Variants in CACNA2D3 observed in about 807,000 individuals in gnomAD.
CACNA2D3 encodes calcium voltage-gated channel auxiliary subunit alpha2delta 3.
CACNA2D3 carries 60 observed loss-of-function variants against 160.6 expected under a neutral mutation model. The ratio of observed to expected loss-of-function variants is 0.37; its 90% CI spans 0.30 to 0.46. CACNA2D3 has a LOEUF of 0.46. CACNA2D3 is among the 20% of genes least tolerant of loss of function. CACNA2D3 has a pLI of 1.00. For synonymous variants in CACNA2D3, 558 were observed against 492.9 expected (o/e 1.13, Z -1.75); for missense variants, 1,205 against 1,365.0 (o/e 0.88, Z 1.85).
At chr3:54,362,914 C>T (rs557294195) in intron 3 of CACNA2D3, among the ~76,000 whole-genome samples, 1 of 152,230 alleles carries the variant, frequency 6.6e-6, no homozygotes, top group Non-Finnish European at 1.5e-5. Context: ...TTACAATGTG[C>T]AGCCAGACAC....
intron 2 of CACNA2D3, among the ~76,000 whole-genome samples, chr3:54,153,358 C>T (rs1700185876): frequency 6.6e-6 from 1 of 152,194 alleles, no homozygotes; most frequent in African/African-American, 2.4e-5. Context: ...GAGAAATGCA[C>T]TCATATTTAT....
intron 35 of CACNA2D3, among the ~76,000 whole-genome samples, chr3:55,045,059 T>C (rs185531482): frequency 3.9e-5 from 6 of 152,192 alleles, no homozygotes; most frequent in African/African-American, 1.4e-4. Flanking sequence ...TAGTGGTTTT[T>C]GTTTTTGAGA....
At chr3:54,717,545 TGTGTG>T (rs1248464567) in intron 11 of CACNA2D3, among the ~76,000 whole-genome samples, 4 of 46,374 alleles carry the variant, frequency 8.6e-5, no homozygotes, top group African/African-American at 2.1e-4. Flanking sequence ...GTGGTGTGCA[TGTGTG>T]GTGTGTGTGT....
At position 54,684,961 on chromosome 3, in the gene CACNA2D3, CAT is replaced by C. The variant is rs201094766; in HGVS notation, c.1167+42721_1167+42722del. ...CTTGGAGTGCAGGAAACTGTGGAAA[CAT>C]GTGTTTACCTTCAAATTCAGCAAGA... On this transcript the variant is annotated intron_variant, in intron 11 of 37. Coordinates refer to ENST00000474759, the MANE Select transcript of CACNA2D3 (RefSeq NM_018398.3). Among the ~76,000 whole-genome samples, 1,122 of 152,234 alleles carry C rather than the reference CAT, an allele frequency of 7.4e-3. 22 individuals carry two copies. Among genetic ancestry groups the C allele is most frequent in the African/African-American group, 0.026 (1,060 of 41,544 alleles).
intron 13 of CACNA2D3, among the ~76,000 whole-genome samples, chr3:54,813,696 A>T (rs1448299891): frequency 6.6e-6 from 1 of 152,026 alleles, no homozygotes; most frequent in African/African-American, 2.4e-5. Flanking sequence ...TATGGGGAAG[A>T]TGTCTTCTCT....
At chr3:54,328,789 G>A (rs925366009) in intron 3 of CACNA2D3, among the ~76,000 whole-genome samples, 10 of 152,170 alleles carry the variant, frequency 6.6e-5, no homozygotes, top group African/African-American at 2.4e-4. Context: ...GCTTGGAGGG[G>A]CCCTCCCCTT....
intron 2 of CACNA2D3, among the ~76,000 whole-genome samples, chr3:54,162,603 G>T (rs972248173): frequency 6.6e-6 from 1 of 152,162 alleles, no homozygotes; most frequent in African/African-American, 2.4e-5. Flanking sequence ...CAACTTCAAG[G>T]TAGGGAAGTG....
At chr3:54,348,613 A>G (rs368398764) in intron 3 of CACNA2D3, among the ~76,000 whole-genome samples, 2 of 152,216 alleles carry the variant, frequency 1.3e-5, no homozygotes, top group African/African-American at 4.8e-5. Context: ...CCGTAACTCA[A>G]GTTTTTCTTA....
chr3:54,365,229 G>C (rs1013504818), intron 3 of CACNA2D3, among the ~76,000 whole-genome samples: 2 of 152,214 alleles, frequency 1.3e-5, no homozygotes, highest in African/African-American at 4.8e-5. Flanking sequence ...TTAGTCAACA[G>C]ACAATTCAGT....
At chr3:54,912,748 C>T (rs1042823497) in intron 27 of CACNA2D3, among the ~76,000 whole-genome samples, 11 of 152,098 alleles carry the variant, frequency 7.2e-5, no homozygotes, top group Admixed American at 7.2e-4. Context: ...TCTTCTCCCT[C>T]TGCTAGATGT....
chr3:54,756,343 A>G (rs1018551588), intron 12 of CACNA2D3, among the ~76,000 whole-genome samples: 2 of 152,210 alleles, frequency 1.3e-5, no homozygotes, highest in African/African-American at 4.8e-5. Flanking sequence ...TATTCCAGTC[A>G]TCTGTGCCCA....
At chr3:54,538,298 C>T (rs565927195) in intron 5 of CACNA2D3, among the ~76,000 whole-genome samples, 1 of 152,220 alleles carries the variant, frequency 6.6e-6, no homozygotes, top group East Asian at 1.9e-4. Flanking sequence ...CCAATGAATC[C>T]CATACCAGCC....
intron 4 of CACNA2D3, among the ~76,000 whole-genome samples, chr3:54,488,270 C>T (rs548726203): frequency 3.3e-5 from 5 of 152,172 alleles, no homozygotes; most frequent in African/African-American, 9.6e-5. Flanking sequence ...CTGGCTGCTA[C>T]GGGGCAGAGG....
At position 55,073,704 on chromosome 3, in the gene CACNA2D3, T is replaced by C. The variant is rs1575463499; in HGVS notation, c.3101-73T>C. 4 of 1,357,280 alleles carry C rather than the reference T, an allele frequency of 2.9e-6. No homozygotes were observed. In the East Asian group the frequency reaches 9.3e-5, roughly 32 times the overall value. The allele number at this position is 1,357,280 out of a possible 1,614,324, so 84.1% of individuals were successfully genotyped here. ...AGAGAGTAGTTAAGAGAGTTGTCAT[T>C]GCCAAATTTTGACCTCTGAAATGCA... On this transcript the variant is annotated intron_variant, in intron 36 of 37. Transcript: ENST00000474759.
At chr3:54,596,203 C>G (rs1027482824) in intron 9 of CACNA2D3, among the ~76,000 whole-genome samples, 1 of 152,078 alleles carries the variant, frequency 6.6e-6, no homozygotes, top group African/African-American at 2.4e-5. Flanking sequence ...CGGTAATCTC[C>G]AGTCCCCGCC....
intron 35 of CACNA2D3, among the ~76,000 whole-genome samples, chr3:55,031,508 T>G (rs1703688269): frequency 6.6e-6 from 1 of 152,198 alleles, no homozygotes; most frequent in African/African-American, 2.4e-5. Context: ...CCCAAACCAC[T>G]TTTTCAAAGG....
In CACNA2D3 at chr3:54,614,262, C is replaced by A. The variant is rs192911997; in HGVS notation, c.964-13525C>A. 2.0e-5 allele frequency among the ~76,000 whole-genome samples: 3 copies of A among 152,322 alleles called. No individual in the cohort carries two copies. The East Asian group carries it at 5.8e-4, about 29-fold the overall frequency. On this transcript the variant is annotated intron_variant, in intron 9 of 37. Transcript: ENST00000474759. ...TGTACCTAATGGGTGTCCTTGGAGG[C>A]CCCTTCCATTGCTGAGGATAGAATT...
intron 27 of CACNA2D3, among the ~76,000 whole-genome samples, chr3:54,961,202 C>G (rs1189428213): frequency 6.6e-6 from 1 of 152,004 alleles, no homozygotes; most frequent in East Asian, 1.9e-4. Flanking sequence ...CCATGGTGCA[C>G]AAAGAAATAA....
At position 54,837,238 on chromosome 3, in the gene CACNA2D3, C is replaced by T. The variant is rs768970802; in HGVS notation, c.1470+8C>T. 2 of 1,612,952 alleles carry T rather than the reference C, an allele frequency of 1.2e-6. No homozygotes were observed. The highest frequency in any genetic ancestry group is 8.5e-7 in the Non-Finnish European group (1 of 1,178,948). On this transcript the variant is annotated splice_region_variant and intron_variant, in intron 15 of 37. Coordinates refer to ENST00000474759, the MANE Select transcript of CACNA2D3 (RefSeq NM_018398.3). ...AGTAAGCAGAACGAAACCGTGAGTA[C>T]AGTCGCTGAGCTTCCTGCTTGATGC...
Sources: allele counts gnomAD v4.1 joint callset (sites outside exome capture counted in the v4.1 genomes callset), GRCh38; gene constraint gnomAD v4.1.1; transcripts MANE v1.5; gene names NCBI Gene and HGNC (gene_info 2026-07-23, HGNC 2026-07-21).